Variants in ZFHX3 observed in about 807,000 individuals in gnomAD.
ZFHX3 encodes the protein zinc finger homeobox 3.
Under a neutral mutation model 279.1 loss-of-function variants are expected in ZFHX3, and 42 were observed. The observed-to-expected ratio is 0.15, with a 90% CI of 0.12 to 0.19. ZFHX3 has a LOEUF of 0.19. ZFHX3 is among the 10% of genes least tolerant of loss of function. The pLI is 1.00. For synonymous variants in ZFHX3, 2,293 were observed against 1,957.8 expected, an observed-to-expected ratio of 1.17 and a Z score of -4.52; for missense variants, 4,981 against 4,754.0, an observed-to-expected ratio of 1.05 and a Z score of -1.40.
intron 7 of ZFHX3, among the ~76,000 whole-genome samples, chr16:73,127,999 A>T (rs899685914): frequency 6.6e-6 from 1 of 152,228 alleles, no homozygotes; most frequent in African/African-American, 2.4e-5. Context: ...GTGATCCTGC[A>T]TACTAGTGTT....
At chr16:73,121,041 T>C (rs1005582584) in intron 7 of ZFHX3, among the ~76,000 whole-genome samples, 3 of 152,324 alleles carry the variant, frequency 2.0e-5, no homozygotes, top group African/African-American at 2.4e-5. Context: ...CATGCGTGGC[T>C]ATGGATTACT....
At chr16:73,676,508 A>C (rs1388518755) in intron 2 of ZFHX3, among the ~76,000 whole-genome samples, 5 of 152,072 alleles carry the variant, frequency 3.3e-5, no homozygotes, top group Non-Finnish European at 7.4e-5. Flanking sequence ...ACTTCATAAA[A>C]TACTAACAAA....
At chr16:73,051,492 T>A (rs1172541703), upstream of ZFHX3, among the ~76,000 whole-genome samples, 1 of 152,210 alleles carries the variant, frequency 6.6e-6, no homozygotes, top group African/African-American at 2.4e-5. Flanking sequence ...ACAGATGTTT[T>A]GATTCACATT....
intron 1 of ZFHX3, among the ~76,000 whole-genome samples, chr16:73,688,047 T>C (rs1205875136): frequency 6.6e-6 from 1 of 151,954 alleles, no homozygotes; most frequent in East Asian, 1.9e-4. Context: ...GTCTGAATGT[T>C]TGTGTCTCCC....
intron 5 of ZFHX3, among the ~76,000 whole-genome samples, chr16:73,155,260 T>C (rs1189340108): frequency 6.6e-6 from 1 of 152,088 alleles, no homozygotes; most frequent in Non-Finnish European, 1.5e-5. Flanking sequence ...ATAGTTTCAC[T>C]TGATCTACCA....
chr16:73,503,441 C>G (rs2019272246), intron 2 of ZFHX3, among the ~76,000 whole-genome samples: 1 of 152,136 alleles, frequency 6.6e-6, no homozygotes, highest in African/African-American at 2.4e-5. Flanking sequence ...TAACATGAGA[C>G]CTGCCTGCAA....
intron 4 of ZFHX3, among the ~76,000 whole-genome samples, chr16:72,858,171 CCA>C (rs1225921141): frequency 2.2e-4 from 34 of 152,226 alleles, no homozygotes; most frequent in African/African-American, 8.0e-4. Context: ...ACACCTCTCA[CCA>C]CAAGCAGCCG....
chr16:73,518,079 A>G (rs577404542), intron 2 of ZFHX3, among the ~76,000 whole-genome samples: 2 of 152,286 alleles, frequency 1.3e-5, no homozygotes, highest in East Asian at 1.9e-4. Context: ...GAAATCTGCA[A>G]TATATTTTAT....
chr16:73,350,537 A>G (rs1390200023), intron 3 of ZFHX3, among the ~76,000 whole-genome samples: 1 of 152,120 alleles, frequency 6.6e-6, no homozygotes, highest in East Asian at 1.9e-4. Context: ...TCTCCTGGAC[A>G]CCCTACACAA....
Position 73,869,585 on chromosome 16 carries a change from G to A in ZFHX3, c.-1608+22066C>T, listed in dbSNP as rs549161417. The stretch of plus-strand genomic sequence containing the variant: ...ACATAACTTATTTGTGTATTTGCAT[G>A]ACTGTATTTAAGGATTATCATGGGA... On this transcript the variant is annotated intron_variant, in intron 1 of 17. Transcript: ENST00000641206. Among the ~76,000 whole-genome samples, 3 of 152,344 alleles carry A rather than the reference G, an allele frequency of 2.0e-5. No homozygotes were observed. The South Asian group carries it at 6.2e-4, about 32-fold the overall frequency.
chr16:73,382,004 C>T (rs1357563491), intron 3 of ZFHX3, among the ~76,000 whole-genome samples: 1 of 152,198 alleles, frequency 6.6e-6, no homozygotes, highest in Non-Finnish European at 1.5e-5. Flanking sequence ...AATGAGTGGG[C>T]ATGGCTGTGT....
At chr16:73,239,658 T>G (rs1198195728) in intron 5 of ZFHX3, among the ~76,000 whole-genome samples, 2 of 152,106 alleles carry the variant, frequency 1.3e-5, no homozygotes, top group Non-Finnish European at 2.9e-5. Flanking sequence ...CTGGTGGAGT[T>G]GAATAGTGAG....
chr16:73,369,604 C>T (rs1208918045), intron 3 of ZFHX3, among the ~76,000 whole-genome samples: 3 of 152,178 alleles, frequency 2.0e-5, no homozygotes, highest in Non-Finnish European at 4.4e-5. Context: ...AGTCCGGCTC[C>T]ACCACAAAAC....
intron 1 of ZFHX3, among the ~76,000 whole-genome samples, chr16:73,742,241 C>G (rs574429343): frequency 4.7e-4 from 71 of 152,270 alleles, no homozygotes; most frequent in Non-Finnish European, 3.2e-4. Context: ...TTCTATCATG[C>G]CTTTGTCTAG....
At chr16:73,129,413 C>CACACACAG (rs1423060503) in intron 7 of ZFHX3, among the ~76,000 whole-genome samples, 5 of 148,326 alleles carry the variant, frequency 3.4e-5, no homozygotes, top group South Asian at 4.4e-4. Context: ...CACACACACA[C>CACACACAG]AGAATTGAAG....
At chr16:73,758,424 C>T (rs1391410237) in intron 1 of ZFHX3, among the ~76,000 whole-genome samples, 3 of 152,198 alleles carry the variant, frequency 2.0e-5, no homozygotes, top group Non-Finnish European at 4.4e-5. Flanking sequence ...TACAACTAAA[C>T]TCTGTTAGGA....
intron 7 of ZFHX3, among the ~76,000 whole-genome samples, chr16:72,810,651 T>C (rs993350729): frequency 2.6e-5 from 4 of 152,242 alleles, no homozygotes; most frequent in Non-Finnish European, 4.4e-5. Flanking sequence ...TCTGCAGTTG[T>C]AGCAATATCA....
At chr16:73,156,391 A>G (rs1967086292) in intron 5 of ZFHX3, among the ~76,000 whole-genome samples, 1 of 152,094 alleles carries the variant, frequency 6.6e-6, no homozygotes, top group Admixed American at 6.6e-5. Context: ...AAAAAAGATG[A>G]TCATTACAGA....
At chr16:73,110,174 A>T (rs1331520327) in intron 7 of ZFHX3, among the ~76,000 whole-genome samples, 1 of 151,972 alleles carries the variant, frequency 6.6e-6, no homozygotes, top group Non-Finnish European at 1.5e-5. Flanking sequence ...ACTGCACTCC[A>T]GCCTGGGTGA....
Sources: gnomAD v4.1 joint callset for allele counts (sites outside exome capture counted in the v4.1 genomes callset) on GRCh38, gnomAD v4.1.1 for gene constraint, MANE v1.5 for transcripts, NCBI Gene and HGNC (gene_info 2026-07-23, HGNC 2026-07-21) for gene names.